Variants in TET2 observed in about 807,000 individuals in gnomAD.
The protein encoded by TET2 is tet methylcytosine dioxygenase 2, also known as methylcytosine dioxygenase TET2.
A neutral mutation model predicts 142.9 loss-of-function variants in TET2; 299 were observed. That is an observed-to-expected ratio of 2.09 (90% CI 1.90 to 2.30). The LOEUF (loss-of-function observed/expected upper bound fraction) is 2.30, where lower values mean the gene tolerates loss of function less well. Among genes scored for constraint, TET2 ranks in the 30% most tolerant of loss-of-function variants. The pLI is 0.00. For synonymous variants in TET2, 819 were observed against 849.0 expected, an observed-to-expected ratio of 0.96 and a Z score of 0.61; for missense variants, 2,418 against 2,378.0, an observed-to-expected ratio of 1.02 and a Z score of -0.35.
chr4:105,237,789 A>C, intron 3 of TET2: 1 of 1,129,872 alleles, frequency 8.9e-7, no homozygotes. Context: ...TATTAGTTTC[A>C]CAAGATTTCT....
chr4:105,219,683 G>A (rs1262555441), intron 2 of TET2, among the ~76,000 whole-genome samples: 1 of 151,956 alleles, frequency 6.6e-6, no homozygotes, highest in Non-Finnish European at 1.5e-5. Context: ...TGATTTTAGG[G>A]CTGAAGATAT....
Position 105,278,171 on chromosome 4 carries a change from C to CATATATATATATATATATATATATAT in TET2, c.*1659_*1684dup, listed in dbSNP as rs61328453. On this transcript the variant is annotated 3_prime_UTR_variant, in exon 11 of 11. Transcript: ENST00000380013. ...GTACTGTAAAAAAATTAAATATATA[C>CATATATATATATATATATATATATAT]ATATATATATATATATATATATATA... The CATATATATATATATATATATATATAT allele has an allele frequency of 8.8e-6, 1 of 113,940 alleles. No homozygotes were observed. The highest frequency in any genetic ancestry group is 4.1e-5 in the African/African-American group (1 of 24,396). 7.1% of individuals were successfully genotyped at this position (113,940 alleles called of 1,614,324 possible). A position where few individuals can be genotyped will look rare whatever the true frequency, so the allele number is the denominator to read the frequency against.
intron 2 of TET2, among the ~76,000 whole-genome samples, chr4:105,207,377 G>T (rs1171575906): frequency 6.6e-6 from 1 of 152,140 alleles, no homozygotes; most frequent in African/African-American, 2.4e-5. Flanking sequence ...TGGAAATGTA[G>T]AAAATTGAAT....
intron 1 of TET2, among the ~76,000 whole-genome samples, chr4:105,182,732 A>C (rs1201191281): frequency 2.0e-5 from 3 of 152,214 alleles, no homozygotes; most frequent in African/African-American, 7.2e-5. Flanking sequence ...TTTTTTAAAA[A>C]TAGTGACTGA....
rs780447041 is a variant in TET2, at chr4:105,232,302, CATT to C, written c.-46-1593_-46-1591del. ...TAGGTTGATTCCATGTCTTCGCTAT[CATT>C]AATAGTGCTGTGATGAACATACGTG... On this transcript the variant is annotated intron_variant, in intron 2 of 10. Transcript: ENST00000380013. Among the ~76,000 whole-genome samples, 8 of 152,260 alleles carry C rather than the reference CATT, an allele frequency of 5.3e-5. No individual in the cohort carries two copies. In the Middle Eastern group the frequency reaches 0.014, roughly 259 times the overall value.
intron 1 of TET2, among the ~76,000 whole-genome samples, chr4:105,156,966 T>C (rs890462021): frequency 6.6e-6 from 1 of 152,248 alleles, no homozygotes; most frequent in Admixed American, 6.5e-5. Context: ...TGCCATTGGC[T>C]GTAAAGTTAT....
chr4:105,173,635 A>T (rs1724609394), intron 1 of TET2, among the ~76,000 whole-genome samples: 1 of 152,170 alleles, frequency 6.6e-6, no homozygotes, highest in Non-Finnish European at 1.5e-5. Flanking sequence ...AAAATGACAT[A>T]ATTTGCTACA....
rs552844148 is a variant in TET2 at position 105,181,474 on chromosome 4, C to T, written c.-192-8886C>T. 2.9e-4 allele frequency among the ~76,000 whole-genome samples: 44 copies of T among 152,268 alleles called. No homozygotes were observed. The South Asian group carries it at 4.2e-3, about 14-fold the overall frequency. On this transcript the variant is annotated intron_variant, in intron 1 of 10. Coordinates refer to ENST00000380013, the MANE Select transcript of TET2 (RefSeq NM_001127208.3). Reference sequence around the variant, plus strand: ...TTTCTACAACACAGAGGTTGCTAAGCGACTTTAATCCCTTTTAACACAGGA... The same window carrying T: ...TTTCTACAACACAGAGGTTGCTAAGTGACTTTAATCCCTTTTAACACAGGA...
At chr4:105,145,885 T>TGGGC, upstream of TET2, 1 of 152,150 alleles carries the variant, frequency 6.6e-6, no homozygotes, top group East Asian at 1.9e-4. Context: ...AAACAGAAGG[T>TGGGC]GGGCCGGGGC....
chr4:105,219,402 T>G (rs1302707468), intron 2 of TET2, among the ~76,000 whole-genome samples: 1 of 152,134 alleles, frequency 6.6e-6, no homozygotes, highest in Non-Finnish European at 1.5e-5. Context: ...TGGCATGCCT[T>G]TTGAGGCAAT....
At chr4:105,153,597 T>G (rs1379935749) in intron 1 of TET2, among the ~76,000 whole-genome samples, 1 of 152,212 alleles carries the variant, frequency 6.6e-6, no homozygotes, top group Non-Finnish European at 1.5e-5. Context: ...TAGGTATTAT[T>G]CTTATCCCTA....
intron 2 of TET2, among the ~76,000 whole-genome samples, chr4:105,205,865 C>G (rs923486464): frequency 3.9e-5 from 6 of 152,156 alleles, no homozygotes; most frequent in Non-Finnish European, 7.3e-5. Flanking sequence ...AACTCCCAAC[C>G]TCAGGTGATC....
chr4:105,177,820 C>A (rs1213937942), intron 1 of TET2: 1 of 152,278 alleles, frequency 6.6e-6, no homozygotes, highest in Non-Finnish European at 1.5e-5. Context: ...CAGTAGCTCA[C>A]GCCTGTAATT....
intron 6 of TET2, among the ~76,000 whole-genome samples, chr4:105,258,326 A>G (rs1730244279): frequency 6.6e-6 from 1 of 152,148 alleles, no homozygotes; most frequent in Non-Finnish European, 1.5e-5. Context: ...TCTAATTGTA[A>G]AATTCCTTTT....
At chr4:105,154,688 T>G (rs1723475841) in intron 1 of TET2, among the ~76,000 whole-genome samples, 1 of 152,176 alleles carries the variant, frequency 6.6e-6, no homozygotes. Context: ...TCAGATGTCT[T>G]TAGTTACCTA....
chr4:105,230,903 A>G (rs905914430), intron 2 of TET2, among the ~76,000 whole-genome samples: 1 of 152,112 alleles, frequency 6.6e-6, no homozygotes. Context: ...CTGTATTCAA[A>G]TATTAAATTC....
At chr4:105,206,362 T>C (rs745453713) in intron 2 of TET2, among the ~76,000 whole-genome samples, 1 of 152,234 alleles carries the variant, frequency 6.6e-6, no homozygotes, top group Non-Finnish European at 1.5e-5. Context: ...ACAGCTTCCT[T>C]ATGTCAGGGT....
chr4:105,236,649 AAC>A lies in TET2; in HGVS notation c.2708_2709del (p.Asn903ThrfsTer20). ...ASVLQGYKNR[N>X]QDMSGQQAAQ... ...AGTTCTACAGGGATATAAAAATAGA[AAC>A]CAAGATATGTCTGGTCAACAAGCTG... On this transcript the variant is annotated frameshift_variant, in exon 3 of 11. Coordinates refer to ENST00000380013, the MANE Select transcript of TET2 (RefSeq NM_001127208.3). LOFTEE classifies it high-confidence loss of function. 1 of 1,614,066 alleles carries A rather than the reference AAC, an allele frequency of 6.2e-7. No homozygotes were observed. Among genetic ancestry groups the A allele is most frequent in the Non-Finnish European group, 8.5e-7 (1 of 1,180,006 alleles).
rs958792109 is a variant in TET2, at chr4:105,276,362, G to A, written c.5852G>A (p.Arg1951Gln). 3.9e-6 allele frequency: 6 copies of A among 1,551,698 alleles called. No homozygotes were observed. Among genetic ancestry groups the A allele is most frequent in the South Asian group, 1.2e-5 (1 of 84,048 alleles). Residue 1951 changes from arginine (R) to glutamine (Q), a missense_variant, in exon 11 of 11, where the codon CGG (arginine) becomes CAG (glutamine). Coordinates refer to ENST00000380013, the MANE Select transcript of TET2 (RefSeq NM_001127208.3). ...AAATCCCATGGCAAAAAAGTGAAAC[G>A]GGAGCCTGCTGAGCCACATGAAACT... ...PQKSHGKKVK[R>Q]EPAEPHETSE...
Sources: allele counts gnomAD v4.1 joint callset (sites outside exome capture counted in the v4.1 genomes callset), GRCh38; gene constraint gnomAD v4.1.1; transcripts MANE v1.5; gene names NCBI Gene and HGNC (gene_info 2026-07-23, HGNC 2026-07-21).